PRKAR2A: variants seen among roughly 807,000 people sequenced by gnomAD.
PRKAR2A encodes the protein cAMP-dependent protein kinase type II-alpha regulatory subunit.
Under a neutral mutation model 51.9 loss-of-function variants are expected in PRKAR2A, and 29 were observed. That is an observed-to-expected ratio of 0.56 (90% CI 0.42 to 0.76). The LOEUF is 0.76. Ranked by LOEUF, PRKAR2A falls within the 30% of genes least tolerant of loss-of-function variation. The pLI is 0.00. For missense variants in PRKAR2A, 445 were observed against 512.1 expected (o/e 0.87, Z 1.26); for synonymous variants, 178 against 186.2 (o/e 0.96, Z 0.36).
Position 48,807,599 on chromosome 3 carries a change from C to G in PRKAR2A, c.298+50G>C, listed in dbSNP as rs752976898. Reference sequence around the variant, plus strand: ...AAAATATCTGTTTTTTCAATATATTCCTATCTTAAAATAACATTTTAGAAG... The same window carrying G: ...AAAATATCTGTTTTTTCAATATATTGCTATCTTAAAATAACATTTTAGAAG... On this transcript the variant is annotated intron_variant, in intron 2 of 10. Coordinates refer to ENST00000265563, the MANE Select transcript of PRKAR2A (RefSeq NM_004157.4). 2.2e-6 allele frequency: 3 copies of G among 1,366,362 alleles called. 1 individual carries two copies. In the South Asian group the frequency reaches 3.7e-5, roughly 17 times the overall value. 84.6% of individuals were successfully genotyped at this position (1,366,362 alleles called of 1,614,324 possible). A position where few individuals can be genotyped will look rare whatever the true frequency, so the allele number is the denominator to read the frequency against.
chr3:48,757,411 CT>C (rs772335910), intron 8 of PRKAR2A, among the ~76,000 whole-genome samples: 33 of 152,212 alleles, frequency 2.2e-4, no homozygotes, highest in Admixed American at 4.6e-4. Flanking sequence ...TCAGTCAAAA[CT>C]ACCACATTCC....
chr3:48,788,763 C>T (rs1156548491), intron 4 of PRKAR2A, among the ~76,000 whole-genome samples: 1 of 152,112 alleles, frequency 6.6e-6, no homozygotes, highest in East Asian at 1.9e-4. Context: ...GGCTCCTGAT[C>T]AGACACCAAA....
In PRKAR2A at chr3:48,780,470, A is replaced by G. The variant is rs867153083; in HGVS notation, c.542+2516T>C. On this transcript the variant is annotated intron_variant, in intron 5 of 10. Transcript: ENST00000265563. Reference sequence around the variant, plus strand: ...TACAAAAAATTAGCCGGGCATGGTGACGGGCGCCTGTAGTCCCAGCTACTC... The same window carrying G: ...TACAAAAAATTAGCCGGGCATGGTGGCGGGCGCCTGTAGTCCCAGCTACTC... 1.3e-4 allele frequency among the ~76,000 whole-genome samples: 20 copies of G among 150,082 alleles called. No individual in the cohort carries two copies. The South Asian group carries it at 2.3e-3, about 18-fold the overall frequency.
intron 1 of PRKAR2A, among the ~76,000 whole-genome samples, chr3:48,844,931 G>A (rs373310117): frequency 5.9e-5 from 9 of 151,644 alleles, no homozygotes; most frequent in Non-Finnish European, 1.2e-4. Context: ...GTATACATAT[G>A]TAACTAACCT....
chr3:48,767,387 G>A (rs1036590610), intron 6 of PRKAR2A, among the ~76,000 whole-genome samples: 7 of 152,134 alleles, frequency 4.6e-5, no homozygotes, highest in African/African-American at 1.7e-4. Context: ...GCTGAGACAG[G>A]AGAATCACTT....
chr3:48,758,045 A>G (rs1275618501), intron 8 of PRKAR2A, among the ~76,000 whole-genome samples: 1 of 151,298 alleles, frequency 6.6e-6, no homozygotes, highest in Non-Finnish European at 1.5e-5. Flanking sequence ...GACAAGAACG[A>G]AACTCTGTCT....
chr3:48,840,974 T>A (rs13078308), intron 1 of PRKAR2A, among the ~76,000 whole-genome samples: 2 of 144,254 alleles, frequency 1.4e-5, no homozygotes, highest in African/African-American at 5.2e-5. Flanking sequence ...CTCCACCTCC[T>A]GGGTTCAAAA....
At chr3:48,811,731 G>A (rs924070468) in intron 1 of PRKAR2A, among the ~76,000 whole-genome samples, 4 of 152,060 alleles carry the variant, frequency 2.6e-5, no homozygotes, top group Non-Finnish European at 4.4e-5. Flanking sequence ...GAGAGCTGCC[G>A]TGGGTGCATA....
intron 1 of PRKAR2A, among the ~76,000 whole-genome samples, chr3:48,829,702 A>ACACACACATAAATGTGTG (rs1575943150): frequency 4.3e-5 from 6 of 139,672 alleles, no homozygotes; most frequent in Non-Finnish European, 6.3e-5. Context: ...ACGTGTGTAT[A>ACACACACATAAATGTGTG]TATTCTTATA....
chr3:48,831,365 C>T (rs200656787), intron 1 of PRKAR2A, among the ~76,000 whole-genome samples: 5 of 126,340 alleles, frequency 4.0e-5, no homozygotes, highest in South Asian at 2.5e-4. Context: ...TCCAAAATAT[C>T]TTTTTTTTTT....
intron 2 of PRKAR2A, among the ~76,000 whole-genome samples, chr3:48,799,666 A>C (rs2082554457): frequency 6.6e-6 from 1 of 152,242 alleles, no homozygotes; most frequent in African/African-American, 2.4e-5. Context: ...CCTGCAATGC[A>C]GAAGTAGGTG....
chr3:48,765,286 A>G lies in PRKAR2A; in HGVS notation c.760T>C (p.Ser254Pro). Residue 254 changes from serine (S) to proline (P), a missense_variant, in exon 7 of 11, where the codon TCA becomes CCA. By Grantham distance (74) the Ser-to-Pro change is moderately conservative (BLOSUM62 -1). Coordinates refer to ENST00000265563, the MANE Select transcript of PRKAR2A (RefSeq NM_004157.4). ...AGGAGGGGCACAGACTCAATAAATG[A>G]TTCAAACATCTTCCTCTTCTTTGCA... ...NNAKKRKMFE[S>P]FIESVPLLKS... is the part of the protein sequence containing the mutation. 1.9e-6 allele frequency: 3 copies of G among 1,612,928 alleles called. No homozygotes were observed. Among genetic ancestry groups the G allele is most frequent in the Non-Finnish European group, 2.5e-6 (3 of 1,179,422 alleles).
intron 9 of PRKAR2A, among the ~76,000 whole-genome samples, chr3:48,753,293 GTTT>G (rs145148583): frequency 6.9e-6 from 1 of 144,924 alleles, no homozygotes. Flanking sequence ...ATATCTAGAG[GTTT>G]TTTTTTTTAA....
chr3:48,758,994 G>A (rs1055368550), intron 8 of PRKAR2A, among the ~76,000 whole-genome samples: 7 of 152,198 alleles, frequency 4.6e-5, no homozygotes, highest in Non-Finnish European at 1.0e-4. Context: ...CCAAATGAAG[G>A]ACAGTGAAAG....
chr3:48,765,817 T>TA (rs2081933199), intron 6 of PRKAR2A, among the ~76,000 whole-genome samples: 1 of 148,050 alleles, frequency 6.8e-6, no homozygotes, highest in South Asian at 2.2e-4. Context: ...TAAAAAAACT[T>TA]AAAAAATCCA....
intron 9 of PRKAR2A, among the ~76,000 whole-genome samples, chr3:48,756,076 G>C (rs765837690): frequency 2.6e-5 from 4 of 152,094 alleles, no homozygotes; most frequent in Non-Finnish European, 5.9e-5. Flanking sequence ...CACTGTGCCC[G>C]GCCCCAGCCC....
At position 48,751,458 on chromosome 3, in the gene PRKAR2A, ACCACAGCAATGGCAGCAGTGG is replaced by A. The variant is rs754558401; in HGVS notation, c.*106_*126del. On this transcript the variant is annotated 3_prime_UTR_variant, in exon 11 of 11. Transcript: ENST00000265563. ...CTTTCAAGTTTTCTAAATGCCCATA[ACCACAGCAATGGCAGCAGTGG>A]CGGCAACGGCAGGAACAGTTCTGTC... The A allele has an allele frequency of 2.2e-6, 3 of 1,371,062 alleles. No individual in the cohort carries two copies. The highest frequency in any genetic ancestry group is 3.1e-6 in the Non-Finnish European group (3 of 974,686). The allele number at this position is 1,371,062 out of a possible 1,614,324, so 84.9% of individuals were successfully genotyped here.
chr3:48,774,641 C>A (rs562484170), intron 5 of PRKAR2A, among the ~76,000 whole-genome samples: 3 of 152,284 alleles, frequency 2.0e-5, no homozygotes, highest in Admixed American at 1.3e-4. Context: ...TCTACGATAT[C>A]AATGTTCTTT....
At chr3:48,835,489 A>C (rs1263760628) in intron 1 of PRKAR2A, among the ~76,000 whole-genome samples, 1 of 151,908 alleles carries the variant, frequency 6.6e-6, no homozygotes, top group South Asian at 2.1e-4. Flanking sequence ...AAAATACAAA[A>C]AATTAGGCGG....
Sources: gnomAD v4.1 joint callset for allele counts (sites outside exome capture counted in the v4.1 genomes callset) on GRCh38, gnomAD v4.1.1 for gene constraint, MANE v1.5 for transcripts, NCBI Gene and HGNC (gene_info 2026-07-23, HGNC 2026-07-21) for gene names.